Variants in TRHDE observed in about 807,000 individuals in gnomAD.
The protein encoded by TRHDE is thyrotropin-releasing hormone-degrading ectoenzyme.
TRHDE carries 72 observed loss-of-function variants against 125.7 expected under a neutral mutation model. The ratio of observed to expected loss-of-function variants is 0.57; its 90% CI spans 0.47 to 0.70. The LOEUF is 0.70. Ranked by LOEUF, TRHDE falls within the 30% of genes least tolerant of loss-of-function variation. TRHDE has a pLI of 0.00. For synonymous variants in TRHDE, 509 were observed against 509.1 expected (o/e 1.00, Z 0.00); for missense variants, 1,110 against 1,327.1 (o/e 0.84, Z 2.54).
At chr12:72,184,984 T>C (rs944935778) in intron 2 of TRHDE, among the ~76,000 whole-genome samples, 2 of 152,148 alleles carry the variant, frequency 1.3e-5, no homozygotes, top group African/African-American at 2.4e-5. Context: ...TGGGAGCCCC[T>C]TTCTGGGCTG....
chr12:72,622,677 A>G (rs1170294196), intron 15 of TRHDE, among the ~76,000 whole-genome samples: 2 of 152,072 alleles, frequency 1.3e-5, no homozygotes, highest in Non-Finnish European at 2.9e-5. Flanking sequence ...AGAGAACCGC[A>G]GTCAGTATAA....
In TRHDE at chr12:72,605,268, T is replaced by TA. The variant is rs1872389739; in HGVS notation, c.2322-13618dup. Among the ~76,000 whole-genome samples the TA allele has an allele frequency of 3.9e-5, 6 of 152,252 alleles. No homozygotes were observed. The South Asian group carries it at 1.2e-3, about 31-fold the overall frequency. ...TTCAGAGTATTTTAATTCTAAGTAT[T>TA]AAAAATTTCCTTAAATAATTCTGAA... On this transcript the variant is annotated intron_variant, in intron 12 of 18. Transcript: ENST00000261180.
chr12:72,116,417 A>T (rs1875445072), intron 2 of TRHDE, among the ~76,000 whole-genome samples: 1 of 152,094 alleles, frequency 6.6e-6, no homozygotes, highest in South Asian at 2.1e-4. Flanking sequence ...CTGGTTCTAG[A>T]TACTTGAGGA....
chr12:72,166,825 A>G (rs1876760167), intron 2 of TRHDE, among the ~76,000 whole-genome samples: 1 of 152,148 alleles, frequency 6.6e-6, no homozygotes, highest in Non-Finnish European at 1.5e-5. Flanking sequence ...GAGGAGAAGG[A>G]AATCCTCCCA....
chr12:72,225,501 G>A (rs1384357554), intron 2 of TRHDE, among the ~76,000 whole-genome samples: 1 of 152,160 alleles, frequency 6.6e-6, no homozygotes, highest in Non-Finnish European at 1.5e-5. Context: ...GTAATGGGAG[G>A]ATGAAGTATC....
intron 6 of TRHDE, among the ~76,000 whole-genome samples, chr12:72,530,148 T>C (rs1442081845): frequency 6.6e-6 from 1 of 152,150 alleles, no homozygotes; most frequent in Non-Finnish European, 1.5e-5. Flanking sequence ...TTGATCCTGG[T>C]AAAAATTCCC....
chr12:72,398,457 T>C (rs1872899802), intron 3 of TRHDE, among the ~76,000 whole-genome samples: 1 of 152,244 alleles, frequency 6.6e-6, no homozygotes, highest in African/African-American at 2.4e-5. Flanking sequence ...TATTATGTAC[T>C]TTGCCATTTA....
intron 12 of TRHDE, among the ~76,000 whole-genome samples, chr12:72,615,639 T>A (rs1872785021): frequency 6.6e-6 from 1 of 152,156 alleles, no homozygotes; most frequent in Non-Finnish European, 1.5e-5. Flanking sequence ...TGGTTGGTAA[T>A]TACATATGTT....
chr12:72,214,517 G>T (rs1877845880), intron 2 of TRHDE, among the ~76,000 whole-genome samples: 1 of 152,098 alleles, frequency 6.6e-6, no homozygotes, highest in Admixed American at 6.6e-5. Flanking sequence ...TTGAAGTGCT[G>T]GCTCACTCAA....
chr12:72,438,065 T>C (rs529555938), intron 3 of TRHDE, among the ~76,000 whole-genome samples: 4 of 152,032 alleles, frequency 2.6e-5, no homozygotes, highest in Admixed American at 2.0e-4. Flanking sequence ...TCACTTAACA[T>C]AATGTCCTTC....
At position 72,482,045 on chromosome 12, in the gene TRHDE, T is replaced by C. The variant is rs180857594; in HGVS notation, c.1584+8865T>C. Among the ~76,000 whole-genome samples the C allele has an allele frequency of 1.4e-3, 209 of 152,084 alleles. 1 individual carries two copies. Among genetic ancestry groups the C allele is most frequent in the Non-Finnish European group, 2.3e-3 (159 of 67,844 alleles). On this transcript the variant is annotated intron_variant, in intron 5 of 18. Coordinates refer to ENST00000261180, the MANE Select transcript of TRHDE (RefSeq NM_013381.3). ...TTAGTTTGATGTATTGCTGCTACAT[T>C]TTCTCTCACTCTATTCACTCATATA...
chr12:72,578,068 A>T (rs1293493565), intron 12 of TRHDE, among the ~76,000 whole-genome samples: 1 of 152,176 alleles, frequency 6.6e-6, no homozygotes, highest in African/African-American at 2.4e-5. Context: ...AGTCTATATC[A>T]ACCTTCTCTC....
chr12:72,495,086 T>TTTTA (rs757707157), intron 5 of TRHDE, among the ~76,000 whole-genome samples: 16 of 126,634 alleles, frequency 1.3e-4, no homozygotes, highest in East Asian at 3.0e-4. Flanking sequence ...TTTTTTTTTT[T>TTTTA]AAGTTTCATC....
chr12:72,371,498 G>A (rs530860871), intron 2 of TRHDE, among the ~76,000 whole-genome samples: 6 of 151,258 alleles, frequency 4.0e-5, no homozygotes, highest in East Asian at 1.9e-4. Flanking sequence ...CCATTAACTC[G>A]TCATTTAGCA....
In TRHDE at chr12:72,575,457, TA is replaced by T. The variant is rs1259014807; in HGVS notation, c.2266-29del. The T allele has an allele frequency of 3.7e-6, 6 of 1,613,322 alleles. No individual in the cohort carries two copies. The Admixed American group carries it at 6.7e-5, about 18-fold the overall frequency. On this transcript the variant is annotated intron_variant, in intron 11 of 18. Transcript: ENST00000261180. ...AACACCTACCATTTTAATCCTAAAT[TA>T]TCCTATTATTTTTTCTAATTGGCCT...
rs140645753 is a variant in TRHDE at position 72,187,257 on chromosome 12, T to A, written n.279+81505T>A. Among the ~76,000 whole-genome samples, 147 of 150,128 alleles carry A rather than the reference T, an allele frequency of 9.8e-4. 1 individual carries two copies. Among genetic ancestry groups the A allele is most frequent in the African/African-American group, 3.5e-3 (144 of 40,752 alleles). On this transcript the variant is annotated intron_variant and non_coding_transcript_variant, in intron 2 of 4. Transcript: ENST00000548156. ...TACGGATAATAAAAGCTCAGCAAGC[T>A]GAAATAACTTGGTTAAGGTCATGTA...
chr12:72,243,562 G>A (rs893086035), intron 2 of TRHDE, among the ~76,000 whole-genome samples: 7 of 148,640 alleles, frequency 4.7e-5, no homozygotes, highest in African/African-American at 1.8e-4. Context: ...TATTGGTTTA[G>A]TAATTATGCC....
intron 12 of TRHDE, among the ~76,000 whole-genome samples, chr12:72,588,434 G>T (rs2136044758): frequency 6.6e-6 from 1 of 152,274 alleles, no homozygotes; most frequent in South Asian, 2.1e-4. Context: ...GGTAGATGTG[G>T]CTCTAATGGA....
intron 1 of TRHDE, chr12:72,105,563 A>G (rs1289244383): frequency 1.3e-5 from 2 of 152,196 alleles, no homozygotes; most frequent in Non-Finnish European, 2.9e-5. Flanking sequence ...ACTCCGGGTC[A>G]GGAATTATTT....
Sources: gnomAD v4.1 joint callset for allele counts (sites outside exome capture counted in the v4.1 genomes callset) on GRCh38, gnomAD v4.1.1 for gene constraint, MANE v1.5 for transcripts, NCBI Gene and HGNC (gene_info 2026-07-23, HGNC 2026-07-21) for gene names.